The following KLHL13 variants were observed in gnomAD, a reference collection of about 807,000 sequenced individuals.
The protein encoded by KLHL13 is kelch like family member 13, also known as kelch-like protein 13.
In KLHL13, 10 loss-of-function variants were observed where a neutral mutation model predicts 37.1. That is an observed-to-expected ratio of 0.27 (90% confidence interval 0.17 to 0.46). KLHL13 has a LOEUF of 0.46. KLHL13 is among the 20% of genes least tolerant of loss of function. KLHL13 has a pLI of 1.00. For synonymous variants in KLHL13, 163 were observed against 181.2 expected (o/e 0.90, Z 0.81); for missense variants, 360 against 509.3 (o/e 0.71, Z 2.82).
intron 1 of KLHL13, among the ~76,000 whole-genome samples, chrX:118,025,287 A>G (rs772524799): frequency 8.9e-6 from 1 of 112,115 alleles, no homozygotes; most frequent in South Asian, 3.7e-4. Context: ...ATGGTCAACC[A>G]CATTCTAAAG....
chrX:118,002,595 AAAATAAAT>A (rs571584663), intron 1 of KLHL13, among the ~76,000 whole-genome samples: 3,462 of 94,128 alleles, frequency 0.037, 165 homozygotes, highest in African/African-American at 0.12. Context: ...CTCTGTCTCG[AAAATAAAT>A]AAATAAATAA....
intron 1 of KLHL13, among the ~76,000 whole-genome samples, chrX:117,968,854 T>G (rs1023894831): frequency 9.0e-6 from 1 of 111,661 alleles, no homozygotes; most frequent in African/African-American, 3.2e-5. Flanking sequence ...CATATTTTTA[T>G]TATGTCTGTG....
intron 4 of KLHL13, 58 bp downstream of exon 5, chrX:117,919,463 C>T: frequency 2.1e-6 from 2 of 971,506 alleles, no homozygotes; most frequent in Admixed American, 2.4e-5. Context: ...TTTCATGAGT[C>T]CTAAACAGGC....
intron 1 of KLHL13, among the ~76,000 whole-genome samples, chrX:118,086,367 A>G (rs1399343376): frequency 9.0e-6 from 1 of 111,537 alleles, no homozygotes; most frequent in Non-Finnish European, 1.9e-5. Flanking sequence ...AGGTTGTACT[A>G]ATTTACATTC....
At chrX:118,109,963 C>T (rs891229530) in intron 1 of KLHL13, among the ~76,000 whole-genome samples, 9 of 111,311 alleles carry the variant, frequency 8.1e-5, no homozygotes, top group African/African-American at 2.9e-4. Flanking sequence ...CACTTGAGGC[C>T]AGGGGTTCAA....
chrX:118,060,272 G>A (rs1224275373), intron 1 of KLHL13, among the ~76,000 whole-genome samples: 1 of 111,422 alleles, frequency 9.0e-6, no homozygotes, highest in Non-Finnish European at 1.9e-5. Context: ...CACAATGAGG[G>A]TAATCCTTGT....
At chrX:117,942,281 G>T (rs1168331540) in intron 2 of KLHL13, among the ~76,000 whole-genome samples, 1 of 111,731 alleles carries the variant, frequency 9.0e-6, no homozygotes, top group Non-Finnish European at 1.9e-5. Flanking sequence ...GTGTAATGTG[G>T]TGCTGAGAAG....
chrX:117,986,599 C>T (rs1435401940), intron 1 of KLHL13, among the ~76,000 whole-genome samples: 1 of 111,456 alleles, frequency 9.0e-6, no homozygotes, highest in East Asian at 2.8e-4. Flanking sequence ...TAAATCATAA[C>T]ACCAACTTCC....
At chrX:118,038,688 G>A (rs138976531) in intron 1 of KLHL13, among the ~76,000 whole-genome samples, 9,311 of 111,306 alleles carry the variant, frequency 0.084, 344 homozygotes, top group Middle Eastern at 0.14. Flanking sequence ...GGGCTAAAGC[G>A]CTCTGGCATT....
At chrX:118,112,485 A>G (rs2055422654) in intron 1 of KLHL13, among the ~76,000 whole-genome samples, 1 of 111,804 alleles carries the variant, frequency 8.9e-6, no homozygotes, top group African/African-American at 3.3e-5. Flanking sequence ...TTGAAATGAC[A>G]AAAAAGAAAG....
chrX:117,930,911 T>C (rs1054229948), intron 2 of KLHL13, among the ~76,000 whole-genome samples: 2 of 112,356 alleles, frequency 1.8e-5, no homozygotes, highest in African/African-American at 6.5e-5. Flanking sequence ...TCATTATGCC[T>C]GTTTCTTATG....
chrX:118,104,048 TAAAAAAA>T (rs60645250), intron 1 of KLHL13, among the ~76,000 whole-genome samples: 4 of 42,575 alleles, frequency 9.4e-5, no homozygotes, highest in African/African-American at 3.6e-4. Context: ...TCATTTCCAC[TAAAAAAA>T]AAAAAAAAAA....
chrX:118,074,723 C>T (rs1432713596), intron 1 of KLHL13, among the ~76,000 whole-genome samples: 1 of 111,631 alleles, frequency 9.0e-6, no homozygotes, highest in African/African-American at 3.3e-5. Context: ...TGATTCAATG[C>T]CACCCACCCC....
intron 1 of KLHL13, among the ~76,000 whole-genome samples, chrX:118,100,068 G>C (rs1011127266): frequency 1.3e-4 from 14 of 111,745 alleles, no homozygotes; most frequent in Non-Finnish European, 1.5e-4. Context: ...TGAAGTAAAG[G>C]TTCTCCCCTC....
chrX:117,975,001 A>G (rs1029579760), upstream of KLHL13, among the ~76,000 whole-genome samples: 4 of 111,772 alleles, frequency 3.6e-5, no homozygotes, highest in Admixed American at 9.5e-5. Flanking sequence ...TCAATGCGCT[A>G]GTGGCCAAAA....
chrX:118,093,892 G>A (rs1276059069), intron 1 of KLHL13, among the ~76,000 whole-genome samples: 1 of 109,705 alleles, frequency 9.1e-6, no homozygotes, highest in Non-Finnish European at 1.9e-5. Context: ...TCTCTCGGGG[G>A]TGGAGACAAG....
At chrX:117,957,902 G>A (rs2053228742) in intron 1 of KLHL13, among the ~76,000 whole-genome samples, 1 of 111,593 alleles carries the variant, frequency 9.0e-6, no homozygotes, top group African/African-American at 3.3e-5. Context: ...TTAACTTTGA[G>A]AGTAGTTTCT....
chrX:118,067,438 T>A (rs1183793405), intron 1 of KLHL13, among the ~76,000 whole-genome samples: 1 of 107,682 alleles, frequency 9.3e-6, no homozygotes, highest in Non-Finnish European at 1.9e-5. Context: ...TTAGGTAAAC[T>A]AAATTTATAA....
intron 1 of KLHL13, among the ~76,000 whole-genome samples, chrX:118,071,314 T>G (rs767922580): frequency 1.8e-5 from 2 of 111,384 alleles, no homozygotes; most frequent in African/African-American, 6.6e-5. Context: ...TAGTTCTAGA[T>G]CCCTGAGGAA....
Sources: allele counts gnomAD v4.1 joint callset (sites outside exome capture counted in the v4.1 genomes callset), GRCh38; gene constraint gnomAD v4.1.1; transcripts MANE v1.5; gene names NCBI Gene and HGNC (gene_info 2026-07-23, HGNC 2026-07-21).